SDK2: variants seen among roughly 807,000 people sequenced by gnomAD.
SDK2 encodes the protein protein sidekick-2.
Under a neutral mutation model 253.9 loss-of-function variants are expected in SDK2, and 105 were observed. The ratio of observed to expected loss-of-function variants is 0.41; its 90% confidence interval spans 0.35 to 0.49. The LOEUF is 0.49. Among genes scored for constraint, SDK2 ranks in the 20% least tolerant of loss-of-function variants. The pLI, the probability that SDK2 is intolerant of heterozygous loss-of-function variation, is 0.06. For synonymous variants in SDK2, 1,249 were observed against 1,234.9 expected (o/e 1.01, Z -0.24); for missense variants, 2,608 against 3,003.0 (o/e 0.87, Z 3.07).
At position 73,345,184 on chromosome 17, in the gene SDK2, T is replaced by C. The variant is rs534615382; in HGVS notation, c.6165+3415A>G. 1.7e-4 allele frequency among the ~76,000 whole-genome samples: 26 copies of C among 152,092 alleles called. No individual in the cohort carries two copies. In the South Asian group the frequency reaches 5.4e-3, roughly 32 times the overall value. On this transcript the variant is annotated intron_variant, in intron 44 of 44. Coordinates refer to ENST00000392650, the MANE Select transcript of SDK2 (RefSeq NM_001144952.2). ...AAATACAAAAATTAGCTTGGTGTGGTGGTAGGTGCCTGTAATCCCAGCTAT... is the reference window on the plus strand; with the variant it reads ...AAATACAAAAATTAGCTTGGTGTGGCGGTAGGTGCCTGTAATCCCAGCTAT...
intron 1 of SDK2, among the ~76,000 whole-genome samples, chr17:73,614,440 GAT>G (rs2046021627): frequency 6.6e-6 from 1 of 151,454 alleles, no homozygotes; most frequent in Non-Finnish European, 1.5e-5. Context: ...TTTCCCCCTA[GAT>G]GACTGTGAGT....
At chr17:73,557,253 C>T (rs900087588) in intron 1 of SDK2, among the ~76,000 whole-genome samples, 8 of 152,112 alleles carry the variant, frequency 5.3e-5, no homozygotes, top group East Asian at 1.9e-4. Context: ...TGAACAAGCT[C>T]GACCTTGCCA....
chr17:73,543,627 G>A (rs999831205), intron 1 of SDK2, among the ~76,000 whole-genome samples: 8 of 152,230 alleles, frequency 5.3e-5, no homozygotes, highest in Non-Finnish European at 8.8e-5. Context: ...AGATGTGGCC[G>A]TGAGTCTGAG....
intron 4 of SDK2, among the ~76,000 whole-genome samples, chr17:73,452,502 C>T (rs2063496734): frequency 6.6e-6 from 1 of 151,924 alleles, no homozygotes; most frequent in South Asian, 2.1e-4. Flanking sequence ...TGTGTGCAGG[C>T]CAGGGTGTTC....
chr17:73,561,507 C>T (rs1274650347), intron 1 of SDK2, among the ~76,000 whole-genome samples: 3 of 152,206 alleles, frequency 2.0e-5, no homozygotes, highest in Non-Finnish European at 2.9e-5. Context: ...CTTCTTCAGG[C>T]CATACTGTGT....
chr17:73,618,077 G>A lies in SDK2; in HGVS notation c.64+25948C>T, dbSNP rs1217842423. The stretch of plus-strand genomic sequence containing the variant: ...TGTGATGGGCCAGGGAGAGAAGCCT[G>A]TTAAAGGGGAGAGAGGTGCTTAATT... On this transcript the variant is annotated intron_variant, in intron 1 of 44. Transcript: ENST00000392650. This position sits in a 1 kb window ranked among gnomAD's most constrained non-coding sequence, Gnocchi z 4.1. 1.3e-5 allele frequency among the ~76,000 whole-genome samples: 2 copies of A among 152,202 alleles called. No individual in the cohort carries two copies. The highest frequency in any genetic ancestry group is 4.8e-5 in the African/African-American group (2 of 41,456).
chr17:73,426,443 C>T (rs564923357), intron 12 of SDK2, among the ~76,000 whole-genome samples: 6 of 151,942 alleles, frequency 3.9e-5, no homozygotes, highest in African/African-American at 1.2e-4. Flanking sequence ...ATTTCCACAC[C>T]ATGATTTTTT....
intron 1 of SDK2, among the ~76,000 whole-genome samples, chr17:73,537,603 G>A (rs1567829800): frequency 6.6e-6 from 1 of 151,898 alleles, no homozygotes; most frequent in Admixed American, 6.6e-5. Flanking sequence ...GGTTTGGGGG[G>A]ATGAAGAGGT....
intron 2 of SDK2, among the ~76,000 whole-genome samples, chr17:73,486,988 C>T (rs2063773273): frequency 6.6e-6 from 1 of 152,182 alleles, no homozygotes; most frequent in Non-Finnish European, 1.5e-5. Context: ...GGCTGGAGTG[C>T]AATGGCGCAA....
intron 23 of SDK2, 67 bp from the exon 24 acceptor site, chr17:73,398,252 C>T (rs1007243010): frequency 1.0e-5 from 16 of 1,602,044 alleles, no homozygotes; most frequent in Non-Finnish European, 1.4e-5. Context: ...CTGTCCTGGT[C>T]TGGGCCATAG....
intron 1 of SDK2, among the ~76,000 whole-genome samples, chr17:73,543,815 C>A (rs1390442193): frequency 6.6e-6 from 1 of 152,226 alleles, no homozygotes; most frequent in Non-Finnish European, 1.5e-5. Context: ...CAGCTTCTGT[C>A]CCTGGGTGAT....
At chr17:73,509,804 G>A (rs1314066507) in intron 1 of SDK2, among the ~76,000 whole-genome samples, 2 of 148,730 alleles carry the variant, frequency 1.3e-5, no homozygotes, top group African/African-American at 5.0e-5. Flanking sequence ...GGAGGCTGAG[G>A]CAGGAGAATC....
intron 1 of SDK2, among the ~76,000 whole-genome samples, chr17:73,513,241 T>C (rs1365099682): frequency 6.6e-6 from 1 of 151,580 alleles, no homozygotes; most frequent in Non-Finnish European, 1.5e-5. Context: ...ATTTTCCTGA[T>C]ATAGAAATGT....
In SDK2 at chr17:73,355,216, G is replaced by A. The variant is rs371248723; in HGVS notation, c.5594-2579C>T. ...TTTTTAGACGGAGTCTCACTCTGTC[G>A]CCCAGGCTGGAGTGTGATGGCATGA... On this transcript the variant is annotated intron_variant, in intron 40 of 44. Coordinates refer to ENST00000392650, the MANE Select transcript of SDK2 (RefSeq NM_001144952.2). 1.1e-3 allele frequency among the ~76,000 whole-genome samples: 92 copies of A among 83,354 alleles called. No individual in the cohort carries two copies. In the South Asian group the frequency reaches 0.016, roughly 15 times the overall value. 54.7% of individuals were successfully genotyped at this position (83,354 alleles called of 152,430 possible).
intron 33 of SDK2, among the ~76,000 whole-genome samples, chr17:73,382,544 G>C (rs931523114): frequency 6.6e-6 from 1 of 152,244 alleles, no homozygotes; most frequent in African/African-American, 2.4e-5. Context: ...TATGTACCAA[G>C]GTGTTCTAAT....
chr17:73,388,137 G>C, intron 29 of SDK2, 100 bp from the exon 30 acceptor site: 1 of 815,732 alleles, frequency 1.2e-6, no homozygotes, highest in Non-Finnish European at 2.0e-6. Flanking sequence ...CTGGGCTCAG[G>C]CCTGGCATCC....
At chr17:73,393,502 G>A in intron 27 of SDK2, 58 bp downstream of exon 27, 1 of 1,445,788 alleles carries the variant, frequency 6.9e-7, no homozygotes, top group Non-Finnish European at 9.2e-7. Context: ...GGCCAGATGG[G>A]CAGGAGGAAG....
intron 18 of SDK2, among the ~76,000 whole-genome samples, chr17:73,402,914 C>T (rs1040636397): frequency 2.6e-5 from 4 of 152,182 alleles, no homozygotes; most frequent in Non-Finnish European, 5.9e-5. Flanking sequence ...TCTCCTGTCT[C>T]AGCCTCCAGA....
intron 3 of SDK2, among the ~76,000 whole-genome samples, chr17:73,464,036 T>C (rs907320373): frequency 5.3e-5 from 8 of 152,224 alleles, no homozygotes; most frequent in Non-Finnish European, 1.0e-4. Context: ...GCCAACCTGG[T>C]GGGCACGGAA....
Sources: allele counts gnomAD v4.1 joint callset (sites outside exome capture counted in the v4.1 genomes callset), GRCh38; gene constraint gnomAD v4.1.1; non-coding constraint Gnocchi (gnomAD v3.1); transcripts MANE v1.5; gene names NCBI Gene and HGNC (gene_info 2026-07-23, HGNC 2026-07-21).